Variants in TRPM6 observed in about 807,000 individuals in gnomAD.
TRPM6 encodes the protein channel kinase 2.
In TRPM6, 111 loss-of-function variants were observed where a neutral mutation model predicts 247.6. The ratio of observed to expected loss-of-function variants is 0.45; its 90% CI spans 0.38 to 0.52. The LOEUF is 0.52. Ranked by LOEUF, TRPM6 falls within the 20% of genes least tolerant of loss-of-function variation. The pLI is 0.00. For synonymous variants in TRPM6, 892 were observed against 853.8 expected (o/e 1.04, Z -0.78); for missense variants, 2,126 against 2,421.5 (o/e 0.88, Z 2.56).
chr9:74,843,759 G>T (rs1224485667), intron 3 of TRPM6, among the ~76,000 whole-genome samples: 1 of 148,998 alleles, frequency 6.7e-6, no homozygotes, highest in Non-Finnish European at 1.5e-5. Flanking sequence ...AGCTTGCAGT[G>T]AGCCGAGATA....
In TRPM6 at chr9:74,855,406, T is replaced by G. The variant is rs564594553; in HGVS notation, c.152+121A>C. 5.1e-6 allele frequency: 4 copies of G among 783,260 alleles called. No individual in the cohort carries two copies. In the Admixed American group the frequency reaches 7.4e-5, roughly 14 times the overall value. The allele number at this position is 783,260 out of a possible 1,614,324, so 48.5% of individuals were successfully genotyped here. On this transcript the variant is annotated intron_variant, in intron 3 of 38. Coordinates refer to ENST00000360774, the MANE Select transcript of TRPM6 (RefSeq NM_017662.5). ...CAAAAACATCTTTTTAAAACTTCCC[T>G]TGGAAAGGTAAATGGCATGCACCAT...
At chr9:74,777,152 A>G (rs1827253166) in intron 23 of TRPM6, among the ~76,000 whole-genome samples, 1 of 152,324 alleles carries the variant, frequency 6.6e-6, no homozygotes, top group Non-Finnish European at 1.5e-5. Flanking sequence ...CATGTCAGAA[A>G]TGCACATTTT....
intron 30 of TRPM6, 52 bp downstream of exon 30, chr9:74,750,609 AGTT>A: frequency 6.6e-7 from 1 of 1,508,980 alleles, no homozygotes; most frequent in Non-Finnish European, 9.2e-7. Flanking sequence ...CTCCTAACCA[AGTT>A]AAAAAAATGG....
intron 6 of TRPM6, among the ~76,000 whole-genome samples, chr9:74,829,374 T>A (rs569351039): frequency 1.3e-5 from 2 of 152,324 alleles, no homozygotes; most frequent in South Asian, 4.1e-4. Context: ...AAAATCTTTA[T>A]TACATTAATG....
In TRPM6 at chr9:74,841,267, T is replaced by C. The variant is rs142633854; in HGVS notation, c.330+899A>G. Among the ~76,000 whole-genome samples the C allele has an allele frequency of 4.5e-3, 683 of 152,316 alleles. 4 individuals carry two copies. The highest frequency in any genetic ancestry group is 0.016 in the African/African-American group (652 of 41,578). Reference sequence around the variant, plus strand: ...TATTGTATTGCACAGCTGGCTTGCTTTTTCCAGCAAATGCAGATCACTCAA... The same window carrying C: ...TATTGTATTGCACAGCTGGCTTGCTCTTTCCAGCAAATGCAGATCACTCAA... On this transcript the variant is annotated intron_variant, in intron 4 of 38. Transcript: ENST00000360774.
chr9:74,767,862 G>C (rs905587292), intron 25 of TRPM6, among the ~76,000 whole-genome samples: 8 of 152,134 alleles, frequency 5.3e-5, no homozygotes, highest in Non-Finnish European at 8.8e-5. Flanking sequence ...TGTAGTCCTA[G>C]CTACTTGTAA....
At chr9:74,851,267 A>G (rs1050320572) in intron 3 of TRPM6, among the ~76,000 whole-genome samples, 1 of 152,162 alleles carries the variant, frequency 6.6e-6, no homozygotes, top group Non-Finnish European at 1.5e-5. Flanking sequence ...ATAAATGTCA[A>G]TTCCAGGAGG....
chr9:74,807,864 A>T (rs1183259570), intron 14 of TRPM6, among the ~76,000 whole-genome samples, 170 bp downstream of exon 14: 1 of 152,198 alleles, frequency 6.6e-6, no homozygotes, highest in Admixed American at 6.5e-5. Flanking sequence ...ATCCCAAGCC[A>T]ACACTGCAAC....
chr9:74,757,979 G>T (rs981825427), intron 27 of TRPM6, among the ~76,000 whole-genome samples: 1 of 152,096 alleles, frequency 6.6e-6, no homozygotes, highest in Non-Finnish European at 1.5e-5. Context: ...ACTAACCACA[G>T]ATCTCAAAGA....
chr9:74,797,160 C>T (rs562928415), intron 17 of TRPM6, among the ~76,000 whole-genome samples: 13 of 152,162 alleles, frequency 8.5e-5, no homozygotes, highest in Non-Finnish European at 1.9e-4. Flanking sequence ...ACCTAAATGT[C>T]TATCTAGAGA....
chr9:74,840,140 T>C lies in TRPM6; in HGVS notation c.428A>G (p.His143Arg), dbSNP rs759757604. The C allele has an allele frequency of 6.8e-6, 11 of 1,613,934 alleles. No individual in the cohort carries two copies. In the South Asian group the frequency reaches 1.1e-4, roughly 16 times the overall value. ...MELPKLVISV[H>R]GGIQNFTMPS... ...CATAGTAAAGTTCTGGATGCCCCCA[T>C]GGACTGAGATCACAAGCTTGGGCAG... Residue 143 changes from histidine (H) to arginine (R), a missense_variant, in exon 5 of 39, where the codon CAT (histidine) becomes CGT (arginine). Physicochemically the swap from His to Arg is conservative, Grantham distance 29. Around this residue, in one of 3 missense-constraint regions of TRPM6, gnomAD observed 1,082 missense variants for 1,307.9 expected, o/e 0.83. Coordinates refer to ENST00000360774, the MANE Select transcript of TRPM6 (RefSeq NM_017662.5).
In TRPM6 at chr9:74,776,790, A is replaced by G. The variant is rs192163627; in HGVS notation, c.3210-714T>C. Among the ~76,000 whole-genome samples, 875 of 152,324 alleles carry G rather than the reference A, an allele frequency of 5.7e-3. 22 individuals are homozygous for G. Among genetic ancestry groups the G allele is most frequent in the Non-Finnish European group, 2.2e-3 (148 of 68,036 alleles). ...CTTTAAGTATATAATATGATATAAG[A>G]GGAACAAAATAAGATGTCCATCTTA... is the stretch of plus-strand genomic sequence containing the variant. On this transcript the variant is annotated intron_variant, in intron 23 of 38. Coordinates refer to ENST00000360774, the MANE Select transcript of TRPM6 (RefSeq NM_017662.5).
chr9:74,756,142 A>T (rs186208509), intron 27 of TRPM6, among the ~76,000 whole-genome samples: 1 of 152,362 alleles, frequency 6.6e-6, no homozygotes, highest in Non-Finnish European at 1.5e-5. Context: ...GGACATTTGA[A>T]CTATTCCAAA....
At chr9:74,844,667 T>C (rs1412661590) in intron 3 of TRPM6, among the ~76,000 whole-genome samples, 2 of 152,256 alleles carry the variant, frequency 1.3e-5, no homozygotes, top group Admixed American at 1.3e-4. Context: ...ACTTTCTTCA[T>C]ATCAGCAATA....
chr9:74,876,212 T>G (rs1327865520), intron 1 of TRPM6, among the ~76,000 whole-genome samples: 1 of 152,144 alleles, frequency 6.6e-6, no homozygotes, highest in East Asian at 1.9e-4. Flanking sequence ...GCTTCCCAAG[T>G]AGTTGGAATT....
rs574296378 is a variant in TRPM6 at position 74,830,376 on chromosome 9, G to A, written c.670-2427C>T. On this transcript the variant is annotated intron_variant, in intron 6 of 38. Coordinates refer to ENST00000360774, the MANE Select transcript of TRPM6 (RefSeq NM_017662.5). ...ATAATATGAATTGTTTTGTTTTGGG[G>A]TTTTTTTGTTTGTTTGTTTGTTTTG... Among the ~76,000 whole-genome samples, 4 of 151,062 alleles carry A rather than the reference G, an allele frequency of 2.6e-5. No individual in the cohort carries two copies. The South Asian group carries it at 8.4e-4, about 32-fold the overall frequency.
At chr9:74,753,595 C>T (rs1183973145) in intron 28 of TRPM6, among the ~76,000 whole-genome samples, 1 of 151,940 alleles carries the variant, frequency 6.6e-6, no homozygotes, top group Non-Finnish European at 1.5e-5. Context: ...ACTCGGGAGG[C>T]TGAGGTGGAA....
At chr9:74,802,624 C>G (rs566519112) in intron 15 of TRPM6, among the ~76,000 whole-genome samples, 1 of 152,188 alleles carries the variant, frequency 6.6e-6, no homozygotes, top group East Asian at 1.9e-4. Flanking sequence ...GTATTGGATA[C>G]ATGGGAGTGA....
intron 23 of TRPM6, among the ~76,000 whole-genome samples, chr9:74,779,203 G>A (rs550319132): frequency 7.2e-5 from 11 of 152,218 alleles, no homozygotes; most frequent in Middle Eastern, 3.4e-3. Flanking sequence ...CTTGAACCAG[G>A]GAGGCGGAGG....
Sources: allele counts gnomAD v4.1 joint callset (sites outside exome capture counted in the v4.1 genomes callset), GRCh38; gene constraint gnomAD v4.1.1; regional missense constraint gnomAD v4.1.1; transcripts MANE v1.5; gene names NCBI Gene and HGNC (gene_info 2026-07-23, HGNC 2026-07-21).